The following LIMS1 variants were observed in gnomAD, a reference collection of about 807,000 sequenced individuals.
LIMS1 encodes LIM and senescent cell antigen-like-containing domain protein 1.
LIMS1 carries 18 observed loss-of-function variants against 44.1 expected under a neutral mutation model. The ratio of observed to expected loss-of-function variants is 0.41; its 90% confidence interval spans 0.28 to 0.61. The LOEUF is 0.61. LIMS1 is among the 20% of genes least tolerant of loss of function. LIMS1 has a pLI of 0.32. For synonymous variants in LIMS1, 93 were observed against 149.1 expected (o/e 0.62, Z 2.74); for missense variants, 201 against 422.0 (o/e 0.48, Z 4.59).
chr2:108,650,402 T>C (rs1690384457), intron 1 of LIMS1, among the ~76,000 whole-genome samples: 1 of 150,300 alleles, frequency 6.7e-6, no homozygotes, highest in Non-Finnish European at 1.5e-5. Context: ...GCCTAAACTT[T>C]CTTTTCTTTT....
chr2:108,590,147 G>A (rs923303751), intron 1 of LIMS1, among the ~76,000 whole-genome samples: 1 of 152,208 alleles, frequency 6.6e-6, no homozygotes, highest in African/African-American at 2.4e-5. Context: ...AAATGTATTT[G>A]CAAAAGCATT....
chr2:108,604,408 G>A (rs1248426103), intron 1 of LIMS1, among the ~76,000 whole-genome samples: 1 of 152,132 alleles, frequency 6.6e-6, no homozygotes, highest in African/African-American at 2.4e-5. Flanking sequence ...AGCCTGCAAG[G>A]CCTAAAATAT....
At chr2:108,646,420 A>G (rs559445742) in intron 1 of LIMS1, among the ~76,000 whole-genome samples, 13 of 152,322 alleles carry the variant, frequency 8.5e-5, no homozygotes, top group African/African-American at 3.1e-4. Context: ...TAAAGATGTT[A>G]TTTGAAACCA....
rs10596766 is a variant in LIMS1 at position 108,569,764 on chromosome 2, C to CTTTT, written c.32+35186_32+35189dup. Among the ~76,000 whole-genome samples, 13 of 113,100 alleles carry CTTTT rather than the reference C, an allele frequency of 1.1e-4. 1 individual carries two copies. Among genetic ancestry groups the CTTTT allele is most frequent in the African/African-American group, 3.8e-4 (11 of 29,108 alleles). The allele number at this position is 113,100 out of a possible 152,430, so 74.2% of individuals were successfully genotyped here. A position where few individuals can be genotyped will look rare whatever the true frequency, so the allele number is the denominator to read the frequency against. The stretch of plus-strand genomic sequence containing the variant: ...TACAAACACTCACCGCCATATCTGG[C>CTTTT]TTTTTTTTTTTTTTTTTTTAGTGAT... On this transcript the variant is annotated intron_variant, in intron 1 of 9. Coordinates refer to ENST00000544547, the Ensembl canonical transcript of LIMS1.
At position 108,680,648 on chromosome 2, in the gene LIMS1, A is replaced by T. The variant is rs777553787; in HGVS notation, c.824-47A>T. 7 of 1,607,404 alleles carry T rather than the reference A, an allele frequency of 4.4e-6. No homozygotes were observed. The East Asian group carries it at 1.3e-4, about 31-fold the overall frequency. ...GAAATTCTAAGCTGCCCTGCTCCCC[A>T]TACTGATGTATTTCCATGTGACCAG... On this transcript the variant is annotated intron_variant, in intron 8 of 9. Transcript: ENST00000544547.
rs771677515 is a variant in LIMS1 at position 108,662,265 on chromosome 2, G to T, written c.192+2501G>T. The T allele has an allele frequency of 7.4e-6, 12 of 1,612,070 alleles. No individual in the cohort carries two copies. In the African/African-American group the frequency reaches 1.5e-4, roughly 20 times the overall value. ...ATGGTTAAGCTACCTTCATTAAGCA[G>T]CATGACCGCTTCCTGAGCTCCTGCT... On this transcript the variant is annotated intron_variant, in intron 2 of 9. Transcript: ENST00000544547.
chr2:108,643,509 C>G (rs566608051), intron 1 of LIMS1, among the ~76,000 whole-genome samples: 2 of 152,304 alleles, frequency 1.3e-5, no homozygotes, highest in Non-Finnish European at 2.9e-5. Context: ...AGGAGATTCC[C>G]TCTGAAGCCT....
At chr2:108,544,000 T>A (rs941615336) in intron 1 of LIMS1, among the ~76,000 whole-genome samples, 1 of 152,208 alleles carries the variant, frequency 6.6e-6, no homozygotes, top group African/African-American at 2.4e-5. Context: ...CACTCCAGCC[T>A]GGGCAACACA....
intron 2 of LIMS1, among the ~76,000 whole-genome samples, chr2:108,667,546 A>AT (rs1558837725): frequency 3.5e-4 from 26 of 73,606 alleles, no homozygotes; most frequent in African/African-American, 1.0e-3. Flanking sequence ...TTTAAAAAAA[A>AT]AAAAAATATA....
At chr2:108,632,252 T>G (rs370005450) in intron 1 of LIMS1, among the ~76,000 whole-genome samples, 3 of 152,230 alleles carry the variant, frequency 2.0e-5, no homozygotes, top group Admixed American at 2.0e-4. Flanking sequence ...ATTACAGGCT[T>G]GAGTCACCGT....
In LIMS1 at chr2:108,661,637, G is replaced by A. The variant is rs188302843; in HGVS notation, c.192+1873G>A. Among the ~76,000 whole-genome samples, 31 of 152,250 alleles carry A rather than the reference G, an allele frequency of 2.0e-4. No individual in the cohort carries two copies. The East Asian group carries it at 4.8e-3, about 24-fold the overall frequency. ...ATTAGCTGGTGAGGAGAAGGAATAG[G>A]AAATCCCTAGGTGCTGCGGCAGCAA... On this transcript the variant is annotated intron_variant, in intron 2 of 9. Coordinates refer to ENST00000544547, the Ensembl canonical transcript of LIMS1.
intron 3 of LIMS1, among the ~76,000 whole-genome samples, chr2:108,671,434 A>G (rs1222733011): frequency 6.6e-6 from 1 of 152,192 alleles, no homozygotes; most frequent in Non-Finnish European, 1.5e-5. Flanking sequence ...CTGTGTTAAC[A>G]CAACCTTTAC....
rs578100324 is a variant in LIMS1 at position 108,675,882 on chromosome 2, G to T, written c.535G>T (p.Glu179Ter). Residue 179 changes from glutamate (E) to a stop codon, truncating the protein, a stop_gained, in exon 6 of 10, where the codon GAG (glutamate) becomes TAG (stop). Transcript: ENST00000544547. LOFTEE classifies it high-confidence loss of function. The stretch of plus-strand genomic sequence containing the variant: ...GTGTGTCTTTCTCACGGACAGGAAG[G>T]AGCTGACTGCCGATGCACGGGAGCT... The T allele has an allele frequency of 6.2e-7, 1 of 1,613,906 alleles. No homozygotes were observed. The highest frequency in any genetic ancestry group is 1.1e-5 in the South Asian group (1 of 91,066).
At chr2:108,565,804 G>A (rs760884154) in intron 1 of LIMS1, among the ~76,000 whole-genome samples, 18 of 152,182 alleles carry the variant, frequency 1.2e-4, no homozygotes, top group Non-Finnish European at 1.9e-4. Context: ...GGTGAGGGCT[G>A]CCATCTTCTC....
chr2:108,567,111 TCA>T (rs1361767980), intron 1 of LIMS1, among the ~76,000 whole-genome samples: 3 of 152,224 alleles, frequency 2.0e-5, no homozygotes, highest in African/African-American at 4.8e-5. Flanking sequence ...GTTGTTTTAT[TCA>T]ACATGATTTT....
intron 1 of LIMS1, among the ~76,000 whole-genome samples, chr2:108,628,513 A>T (rs1173881994): frequency 2.6e-5 from 4 of 152,218 alleles, no homozygotes; most frequent in Non-Finnish European, 5.9e-5. Flanking sequence ...TTTATTGAAG[A>T]GGCAGTGAAA....
intron 1 of LIMS1, among the ~76,000 whole-genome samples, chr2:108,643,105 G>A (rs1689820516): frequency 6.6e-6 from 1 of 152,232 alleles, no homozygotes; most frequent in African/African-American, 2.4e-5. Flanking sequence ...TAAGGAACAT[G>A]TGGGGTTCAG....
At chr2:108,547,881 A>G (rs1319480531) in intron 1 of LIMS1, among the ~76,000 whole-genome samples, 1 of 152,222 alleles carries the variant, frequency 6.6e-6, no homozygotes, top group Non-Finnish European at 1.5e-5. Context: ...TAGGGAATAT[A>G]TAGTAGTCTT....
chr2:108,579,237 A>AT (rs1685795165), intron 1 of LIMS1, among the ~76,000 whole-genome samples: 1 of 152,196 alleles, frequency 6.6e-6, no homozygotes, highest in Non-Finnish European at 1.5e-5. Context: ...AATGGTAATT[A>AT]TGTTATTTTA....
Sources: gnomAD v4.1 joint callset for allele counts (sites outside exome capture counted in the v4.1 genomes callset) on GRCh38, gnomAD v4.1.1 for gene constraint, MANE v1.5 for transcripts, NCBI Gene and HGNC (gene_info 2026-07-23, HGNC 2026-07-21) for gene names.